The following CAST variants were observed in gnomAD, a reference collection of about 807,000 sequenced individuals.
CAST encodes the protein calpastatin.
CAST carries 76 observed loss-of-function variants against 119.6 expected under a neutral mutation model. That is an observed-to-expected ratio of 0.64 (90% CI 0.53 to 0.77). The LOEUF is 0.77. Ranked by LOEUF, CAST falls within the 30% of genes least tolerant of loss-of-function variation. The probability of loss-of-function intolerance (pLI) is 0.00; values close to 1 mark genes in which losing one functional copy is unlikely to be tolerated. For missense variants in CAST, 953 were observed against 946.5 expected (o/e 1.01, Z -0.09); for synonymous variants, 319 against 331.6 (o/e 0.96, Z 0.41).
chr5:96,442,235 A>G, the CAST span, among the ~76,000 whole-genome samples: 1,042 of 152,358 alleles, frequency 6.8e-3, 5 homozygotes, highest in Non-Finnish European at 0.01. Context: ...TGTTACCTGG[A>G]ATAGCTCCTG....
intron 1 of CAST, among the ~76,000 whole-genome samples, chr5:96,595,968 G>A (rs1580839238): frequency 1.3e-5 from 2 of 152,130 alleles, no homozygotes; most frequent in African/African-American, 4.8e-5. Context: ...AATCCACTCA[G>A]GAGGGATATA....
the CAST span, among the ~76,000 whole-genome samples, chr5:96,463,011 G>A: frequency 2.0e-5 from 3 of 152,096 alleles, no homozygotes; most frequent in South Asian, 4.2e-4. Flanking sequence ...ATAAATTACC[G>A]AGTCTCAGAT....
the CAST span, among the ~76,000 whole-genome samples, chr5:95,998,111 A>T: frequency 6.6e-6 from 1 of 151,798 alleles, no homozygotes; most frequent in East Asian, 1.9e-4. Flanking sequence ...GGGCAATGAT[A>T]CATTCACCTT....
chr5:96,175,306 T>C, the CAST span, among the ~76,000 whole-genome samples: 2 of 152,188 alleles, frequency 1.3e-5, no homozygotes, highest in Non-Finnish European at 2.9e-5. Flanking sequence ...CCAGTGCCAG[T>C]GAAAGTACCC....
the CAST span, among the ~76,000 whole-genome samples, chr5:96,047,757 G>C: frequency 1.3e-5 from 2 of 151,926 alleles, no homozygotes; most frequent in South Asian, 4.1e-4. Context: ...AATAGGGCAG[G>C]GTAGTGGACA....
chr5:96,009,087 A>T, the CAST span, among the ~76,000 whole-genome samples: 1 of 152,080 alleles, frequency 6.6e-6, no homozygotes, highest in Non-Finnish European at 1.5e-5. Context: ...TCCTGTGTTA[A>T]TTTGTTTAGG....
At chr5:96,172,937 T>C in the CAST span, among the ~76,000 whole-genome samples, 1 of 152,232 alleles carries the variant, frequency 6.6e-6, no homozygotes, top group African/African-American at 2.4e-5. Context: ...ATTTCTACCA[T>C]GGCTGCCCCC....
At chr5:96,368,512 AAAAC>A in the CAST span, among the ~76,000 whole-genome samples, 1 of 151,690 alleles carries the variant, frequency 6.6e-6, no homozygotes, top group African/African-American at 2.4e-5. Flanking sequence ...AAAAAAAAAA[AAAAC>A]AAAAAAACCT....
the CAST span, among the ~76,000 whole-genome samples, chr5:96,451,654 C>A: frequency 2.6e-5 from 4 of 152,100 alleles, no homozygotes; most frequent in African/African-American, 4.8e-5. Context: ...GGATCTAATT[C>A]AACTAAAGAG....
chr5:96,421,568 A>G, the CAST span, among the ~76,000 whole-genome samples: 3 of 152,288 alleles, frequency 2.0e-5, no homozygotes, highest in Admixed American at 6.5e-5. Context: ...AATTGAGGGG[A>G]GGGATGGGCT....
the CAST span, among the ~76,000 whole-genome samples, chr5:96,154,438 G>A: frequency 6.6e-6 from 1 of 152,090 alleles, no homozygotes; most frequent in African/African-American, 2.4e-5. Flanking sequence ...AGTACAGAGA[G>A]TTCCCATATG....
chr5:96,154,572 C>T, the CAST span, among the ~76,000 whole-genome samples: 6 of 152,280 alleles, frequency 3.9e-5, no homozygotes, highest in South Asian at 2.1e-4. Context: ...TTAATTTTTA[C>T]GTAATGTCCT....
At chr5:96,424,794 C>T in the CAST span, among the ~76,000 whole-genome samples, 1 of 151,890 alleles carries the variant, frequency 6.6e-6, no homozygotes, top group African/African-American at 2.4e-5. Flanking sequence ...AAAACCCCAT[C>T]TCTATTAAAA....
At chr5:96,084,427 A>G in the CAST span, among the ~76,000 whole-genome samples, 1 of 152,320 alleles carries the variant, frequency 6.6e-6, no homozygotes, top group East Asian at 1.9e-4. Flanking sequence ...GGGTTAGTAG[A>G]GATAAAAGGA....
At chr5:96,601,155 A>G (rs1439725799) in intron 1 of CAST, among the ~76,000 whole-genome samples, 1 of 152,042 alleles carries the variant, frequency 6.6e-6, no homozygotes, top group East Asian at 1.9e-4. Flanking sequence ...TTCCTTTGCT[A>G]GGTGCCTCTA....
chr5:96,281,585 C>T, the CAST span, among the ~76,000 whole-genome samples: 1 of 152,180 alleles, frequency 6.6e-6, no homozygotes, highest in Admixed American at 6.5e-5. Context: ...AAGACTTCAG[C>T]TGCTTATCAT....
chr5:96,749,637 T>C (rs977632177), intron 19 of CAST, among the ~76,000 whole-genome samples: 3 of 152,164 alleles, frequency 2.0e-5, no homozygotes, highest in African/African-American at 7.2e-5. Context: ...GCCTCAATCT[T>C]CCAGGCCCAA....
chr5:96,730,788 A>G lies in CAST; in HGVS notation c.558A>G (p.Pro186=), dbSNP rs148665023. Residue 186 remains proline (P), a synonymous_variant, in exon 9 of 32, where the codon CCA becomes CCG. Transcript: ENST00000675179. ...TATCCTCACTGTCTTAGACTAAACC[A>G]CAAGACATGATTTCTGCTGGTGGAG... ...SEKSTEPKTK[P]QDMISAGGES... 4.0e-4 allele frequency: 646 copies of G among 1,613,050 alleles called. 2 individuals are homozygous for G. The highest frequency in any genetic ancestry group is 4.2e-4 in the Non-Finnish European group (493 of 1,179,006).
the CAST span, among the ~76,000 whole-genome samples, chr5:96,268,227 C>T: frequency 6.6e-6 from 1 of 152,076 alleles, no homozygotes; most frequent in Non-Finnish European, 1.5e-5. Flanking sequence ...GTAGTAAGTC[C>T]TTACTTATCA....
Sources: gnomAD v4.1 joint callset for allele counts (sites outside exome capture counted in the v4.1 genomes callset) on GRCh38, gnomAD v4.1.1 for gene constraint, MANE v1.5 for transcripts, NCBI Gene and HGNC (gene_info 2026-07-23, HGNC 2026-07-21) for gene names.